POLA1: variants seen among roughly 807,000 people sequenced by gnomAD.
POLA1 encodes the protein DNA polymerase alpha 1, catalytic subunit.
Under a neutral mutation model 124.0 loss-of-function variants are expected in POLA1, and 15 were observed. That is an observed-to-expected ratio of 0.12 (90% CI 0.08 to 0.19). The LOEUF is 0.19. Among genes scored for constraint, POLA1 ranks in the 10% least tolerant of loss-of-function variants. POLA1 has a pLI of 1.00. For missense variants in POLA1, 886 were observed against 1,103.4 expected, an observed-to-expected ratio of 0.80 and a Z score of 2.79; for synonymous variants, 408 against 389.4, an observed-to-expected ratio of 1.05 and a Z score of -0.56.
At chrX:24,707,857 G>T (rs1407752853) in intron 4 of POLA1, among the ~76,000 whole-genome samples, 1 of 111,498 alleles carries the variant, frequency 9.0e-6, no homozygotes, top group Non-Finnish European at 1.9e-5. Context: ...AGTCGGGCGT[G>T]GTGGTGGGCA....
At chrX:24,862,179 G>A (rs1209886157) in intron 34 of POLA1, among the ~76,000 whole-genome samples, 9 of 112,097 alleles carry the variant, frequency 8.0e-5, no homozygotes, top group African/African-American at 2.3e-4. Flanking sequence ...ATAAAATACA[G>A]TTTCACCTGA....
intron 26 of POLA1, among the ~76,000 whole-genome samples, chrX:24,759,358 T>G (rs947366153): frequency 8.9e-6 from 1 of 112,115 alleles, no homozygotes; most frequent in Non-Finnish European, 1.9e-5. Flanking sequence ...CTCCAACCTC[T>G]ACTTCAGTTT....
intron 30 of POLA1, 129 bp downstream of exon 30, chrX:24,815,240 C>A: frequency 1.7e-6 from 1 of 596,802 alleles, no homozygotes; most frequent in Non-Finnish European, 2.6e-6. Flanking sequence ...TGCTTAACAA[C>A]TATCTCACAG....
chrX:24,694,245 C>T (rs918239317), intron 1 of POLA1, among the ~76,000 whole-genome samples: 5 of 112,654 alleles, frequency 4.4e-5, no homozygotes, highest in African/African-American at 6.4e-5. Flanking sequence ...AGAGTCTCCA[C>T]AGTCGATTGC....
intron 26 of POLA1, among the ~76,000 whole-genome samples, chrX:24,771,462 C>T (rs2045033563): frequency 9.0e-6 from 1 of 111,264 alleles, no homozygotes; most frequent in South Asian, 3.8e-4. Context: ...TGCTTTTTTT[C>T]AGGGCAAAAA....
intron 26 of POLA1, among the ~76,000 whole-genome samples, chrX:24,796,924 C>T (rs2045617433): frequency 9.0e-6 from 1 of 111,398 alleles, no homozygotes; most frequent in Non-Finnish European, 1.9e-5. Context: ...GTTGTTAAGC[C>T]AGGAACATGG....
intron 10 of POLA1, among the ~76,000 whole-genome samples, chrX:24,721,994 G>A (rs1200599137): frequency 9.2e-6 from 1 of 108,893 alleles, no homozygotes; most frequent in South Asian, 4.0e-4. Flanking sequence ...TCCACCCTCC[G>A]TTACCCCCTC....
chrX:24,923,339 TA>T (rs2047644491), intron 35 of POLA1, among the ~76,000 whole-genome samples: 1 of 111,794 alleles, frequency 8.9e-6, no homozygotes, highest in African/African-American at 3.3e-5. Flanking sequence ...AAAATGAAGA[TA>T]ATAATTAGGT....
chrX:24,887,941 C>T (rs1349989274), intron 34 of POLA1, 65 bp from the exon 35 acceptor site: 1 of 667,271 alleles, frequency 1.5e-6, no homozygotes, highest in Non-Finnish European at 2.5e-6. Flanking sequence ...TCTTGATAAC[C>T]AAAAAAAGGT....
chrX:24,986,720 G>A (rs1230881540), intron 36 of POLA1, among the ~76,000 whole-genome samples: 1 of 109,920 alleles, frequency 9.1e-6, no homozygotes, highest in East Asian at 2.8e-4. Flanking sequence ...GTAAGACCCT[G>A]TCTCTTAACA....
chrX:24,958,646 C>T (rs1346689976), intron 36 of POLA1, among the ~76,000 whole-genome samples: 2 of 111,823 alleles, frequency 1.8e-5, no homozygotes, highest in Non-Finnish European at 3.8e-5. Context: ...GTTTCAGTTC[C>T]GTGTAGTTAA....
At chrX:24,802,998 C>A (rs2045742103) in intron 26 of POLA1, among the ~76,000 whole-genome samples, 1 of 108,404 alleles carries the variant, frequency 9.2e-6, no homozygotes, top group Non-Finnish European at 1.9e-5. Context: ...GACTCCATCT[C>A]AAAAAAAAAT....
chrX:24,759,951 T>G (rs761563964), intron 26 of POLA1, among the ~76,000 whole-genome samples: 1 of 112,537 alleles, frequency 8.9e-6, no homozygotes, highest in East Asian at 2.8e-4. Flanking sequence ...TCACAAGCCA[T>G]GTGTTATTTG....
intron 26 of POLA1, among the ~76,000 whole-genome samples, chrX:24,796,913 A>T (rs1321369551): frequency 7.2e-5 from 8 of 111,248 alleles, no homozygotes; most frequent in Admixed American, 9.5e-5. Flanking sequence ...CTGTTTACCC[A>T]GTTGTTAAGC....
At chrX:24,946,922 T>A (rs1029707829) in intron 36 of POLA1, among the ~76,000 whole-genome samples, 1 of 111,977 alleles carries the variant, frequency 8.9e-6, no homozygotes, top group Non-Finnish European at 1.9e-5. Flanking sequence ...ATGTATACAT[T>A]CATCAAACAT....
chrX:24,969,078 C>G (rs1002270493), intron 36 of POLA1, among the ~76,000 whole-genome samples: 11 of 109,745 alleles, frequency 1.0e-4, no homozygotes, highest in Non-Finnish European at 2.1e-4. Flanking sequence ...TGTGGTGGCA[C>G]ACGCCTGTAG....
intron 26 of POLA1, among the ~76,000 whole-genome samples, chrX:24,757,833 A>G (rs767470558): frequency 9.8e-5 from 11 of 111,783 alleles, no homozygotes; most frequent in African/African-American, 3.6e-4. Flanking sequence ...ATGCTCATCC[A>G]GTATAATGTA....
chrX:24,857,081 G>A (rs2046655108), intron 34 of POLA1, among the ~76,000 whole-genome samples: 1 of 111,510 alleles, frequency 9.0e-6, no homozygotes, highest in African/African-American at 3.3e-5. Flanking sequence ...CTATGTCTAT[G>A]ATCCATTTTG....
At position 24,739,406 on chromosome X, in the gene POLA1, C is replaced by T; in HGVS notation, c.2072C>T (p.Thr691Ile). The change falls in exon 20 of 37, where the codon ACC becomes ATC. Residue 691 changes from threonine (T) to isoleucine (I), a missense_variant. Transcript: ENST00000379068. Reference sequence around the variant, plus strand: ...AGTGGATTTGGTGAAAGAAATGCTACCTGTGGTCGAATGATCTGTGATGTG... The same window carrying T: ...AGTGGATTTGGTGAAAGAAATGCTATCTGTGGTCGAATGATCTGTGATGTG... The part of the protein sequence containing the change: ...GRSGFGERNA[T>I]CGRMICDVEI... 8.4e-7 allele frequency: 1 copy of T among 1,194,145 alleles called. No homozygotes were observed. Among genetic ancestry groups the T allele is most frequent in the Non-Finnish European group, 1.1e-6 (1 of 886,027 alleles).
Sources: gnomAD v4.1 joint callset for allele counts (sites outside exome capture counted in the v4.1 genomes callset) on GRCh38, gnomAD v4.1.1 for gene constraint, MANE v1.5 for transcripts, NCBI Gene and HGNC (gene_info 2026-07-23, HGNC 2026-07-21) for gene names.